The following MMAB variants were observed in gnomAD, a reference collection of about 807,000 sequenced individuals.
MMAB encodes corrinoid adenosyltransferase MMAB.
In MMAB, 17 loss-of-function variants were observed where a neutral mutation model predicts 30.6. The ratio of observed to expected loss-of-function variants is 0.56; its 90% CI spans 0.38 to 0.83. The LOEUF (loss-of-function observed/expected upper bound fraction) is 0.83. Ranked by LOEUF, MMAB falls within the 40% of genes least tolerant of loss-of-function variation. The pLI is 0.00. For synonymous variants in MMAB, 134 were observed against 138.6 expected, an observed-to-expected ratio of 0.97 and a Z score of 0.23; for missense variants, 311 against 331.6, an observed-to-expected ratio of 0.94 and a Z score of 0.48.
At position 109,555,686 on chromosome 12, in the gene MMAB, G is replaced by A; in HGVS notation, c.*1342C>T. 2.2e-6 allele frequency: 1 copy of A among 453,496 alleles called. No homozygotes were observed. The highest frequency in any genetic ancestry group is 4.4e-6 in the Non-Finnish European group (1 of 226,552). The allele number at this position is 453,496 out of a possible 1,614,324, so 28.1% of individuals were successfully genotyped here. ...GGCATTCACACACTCCTGGTCATCTGCACCTCACCCACCCTGCCCAAGGCT... is the reference window on the plus strand; with the variant it reads ...GGCATTCACACACTCCTGGTCATCTACACCTCACCCACCCTGCCCAAGGCT... On this transcript the variant is annotated 3_prime_UTR_variant, in exon 9 of 9. Transcript: ENST00000545712.
Position 109,556,486 on chromosome 12 carries a change from G to T in MMAB, c.*542C>A. 2.2e-6 allele frequency: 1 copy of T among 454,036 alleles called. No individual in the cohort carries two copies. Among genetic ancestry groups the T allele is most frequent in the South Asian group, 1.6e-5 (1 of 64,476 alleles). 28.1% of individuals were successfully genotyped at this position (454,036 alleles called of 1,614,324 possible). A position where few individuals can be genotyped will look rare whatever the true frequency, so the allele number is the denominator to read the frequency against. ...CCCCACACTTTGGCGGTGATGGGTG[G>T]CTCAGAGGTGACTAAACTTCCAAAT... On this transcript the variant is annotated 3_prime_UTR_variant, in exon 9 of 9. Coordinates refer to ENST00000545712, the MANE Select transcript of MMAB (RefSeq NM_052845.4).
intron 7 of MMAB, among the ~76,000 whole-genome samples, chr12:109,560,717 C>T (rs1884159714): frequency 1.3e-5 from 2 of 152,204 alleles, no homozygotes; most frequent in Non-Finnish European, 2.9e-5. Flanking sequence ...TCTCAGAATA[C>T]AGGGCTCACA....
In MMAB at chr12:109,561,720, C is replaced by T. The variant is rs773549101; in HGVS notation, c.421+60G>A. ...GGGGGCCTGGGATCCCAGATGGTGA[C>T]CCTAGGAGAGTCCCCTGACCCTAGG... On this transcript the variant is annotated intron_variant, in intron 5 of 8. Transcript: ENST00000545712. This position sits in a 1 kb window ranked among gnomAD's most constrained non-coding sequence, Gnocchi z 5.3. The T allele has an allele frequency of 5.4e-6, 8 of 1,486,078 alleles. No individual in the cohort carries two copies. Among genetic ancestry groups the T allele is most frequent in the South Asian group, 3.6e-5 (3 of 83,620 alleles). 92.1% of individuals were successfully genotyped at this position (1,486,078 alleles called of 1,614,324 possible).
At chr12:109,572,228 A>ATTAT (rs1329257505) in intron 1 of MMAB, among the ~76,000 whole-genome samples, 8 of 151,680 alleles carry the variant, frequency 5.3e-5, no homozygotes, top group South Asian at 2.1e-4. Context: ...TCCTACCGAA[A>ATTAT]TTATTTATTT....
At chr12:109,559,713 G>A (rs536072633) in intron 7 of MMAB, among the ~76,000 whole-genome samples, 6 of 152,320 alleles carry the variant, frequency 3.9e-5, no homozygotes, top group Admixed American at 2.0e-4. Context: ...GTGTGGTGGC[G>A]GGCCCTTGCC....
At chr12:109,571,794 G>A in intron 1 of MMAB, 84 bp from the exon 2 acceptor site, 10 of 1,153,318 alleles carry the variant, frequency 8.7e-6, no homozygotes, top group Non-Finnish European at 1.3e-5. Context: ...CCAGCTTGCT[G>A]CTTGTAACCT....
At chr12:109,560,913 C>T (rs1884166449) in intron 7 of MMAB, 127 bp downstream of exon 7, 2 of 950,612 alleles carry the variant, frequency 2.1e-6, no homozygotes, top group Admixed American at 2.0e-5. Context: ...CTGTACCTGC[C>T]TCCTGCCCGC....
chr12:109,565,693 T>C (rs1884396935), intron 3 of MMAB, among the ~76,000 whole-genome samples: 1 of 152,200 alleles, frequency 6.6e-6, no homozygotes, highest in African/African-American at 2.4e-5. Flanking sequence ...GACATACTCC[T>C]GAATGTGAAG....
chr12:109,554,286 T>C lies in MMAB; in HGVS notation c.*2742A>G. 2.2e-6 allele frequency: 1 copy of C among 454,010 alleles called. No homozygotes were observed. Among genetic ancestry groups the C allele is most frequent in the South Asian group, 1.6e-5 (1 of 64,474 alleles). 28.1% of individuals were successfully genotyped at this position (454,010 alleles called of 1,614,324 possible). ...CTGCACATAGCAAGCCCTTCCACAGTGCGGGCTGGTGTCACTGTGACTGTG... is the reference window on the plus strand; with the variant it reads ...CTGCACATAGCAAGCCCTTCCACAGCGCGGGCTGGTGTCACTGTGACTGTG... On this transcript the variant is annotated 3_prime_UTR_variant, in exon 9 of 9. Coordinates refer to ENST00000545712, the MANE Select transcript of MMAB (RefSeq NM_052845.4).
chr12:109,570,761 A>G (rs1384070986), intron 2 of MMAB, among the ~76,000 whole-genome samples: 1 of 151,710 alleles, frequency 6.6e-6, no homozygotes. Context: ...GTTGTCCCAG[A>G]TACTCAGAAG....
At chr12:109,564,034 G>A (rs1486033610) in intron 4 of MMAB, among the ~76,000 whole-genome samples, 1 of 152,262 alleles carries the variant, frequency 6.6e-6, no homozygotes, top group African/African-American at 2.4e-5. Context: ...CACGGGCTGA[G>A]GGCTCACTGC....
intron 2 of MMAB, 69 bp from the exon 3 acceptor site, chr12:109,568,932 T>TTA: frequency 9.0e-7 from 1 of 1,111,658 alleles, no homozygotes; most frequent in Admixed American, 1.8e-5. Flanking sequence ...TTTTTTTTTT[T>TTA]AAACTTTCAA....
At chr12:109,573,267 A>C in intron 1 of MMAB, 80 bp downstream of exon 1, 1 of 1,586,620 alleles carries the variant, frequency 6.3e-7, no homozygotes, top group Non-Finnish European at 8.6e-7. Context: ...CGGTGACCTC[A>C]CGGCGGTGTG....
At position 109,569,743 on chromosome 12, in the gene MMAB, C is replaced by G. The variant is rs1019401563; in HGVS notation, c.197-880G>C. Among the ~76,000 whole-genome samples, 1 of 152,162 alleles carries G rather than the reference C, an allele frequency of 6.6e-6. No individual in the cohort carries two copies. The highest frequency in any genetic ancestry group is 2.4e-5 in the African/African-American group (1 of 41,440). On this transcript the variant is annotated intron_variant, in intron 2 of 8. Transcript: ENST00000545712. The surrounding 1 kb of genome is among the most constrained non-coding windows in gnomAD (Gnocchi z 4.1). ...CTGTGGTGTTCTGCTGAACACAAAC[C>G]ATTTCACAGAAAACCATCAGACAGG... is the stretch of plus-strand genomic sequence containing the variant.
rs1884177009 is a variant in MMAB at position 109,561,049 on chromosome 12, GC to G, written c.574del (p.Ala192ProfsTer22). Reference protein sequence around the residue: ...LHFCRAVCRRAERRVVPLVQM... With the variant: ...LHFCRAVCRRXERRVVPLVQM... ...TCTCCAGCCCTCTTACCGTCTCTCG[GC>G]CCGGCGGCACACGGCCCGGCAGAAA... is the stretch of plus-strand genomic sequence containing the variant. On this transcript the variant is annotated frameshift_variant, in exon 7 of 9. Transcript: ENST00000545712. LOFTEE classifies it high-confidence loss of function. This position sits in a 1 kb window ranked among gnomAD's most constrained non-coding sequence, Gnocchi z 5.3. The G allele has an allele frequency of 6.3e-7, 1 of 1,594,198 alleles. No individual in the cohort carries two copies. The highest frequency in any genetic ancestry group is 1.7e-5 in the Admixed American group (1 of 58,998).
In MMAB at chr12:109,556,680, A is replaced by ACACACACC. The variant is rs759527522; in HGVS notation, c.*347_*348insGGTGTGTG. On this transcript the variant is annotated 3_prime_UTR_variant, in exon 9 of 9. Coordinates refer to ENST00000545712, the MANE Select transcript of MMAB (RefSeq NM_052845.4). Reference sequence around the variant, plus strand: ...CACACACACACACACACACACACACACACACACACACACGGCTCCAGCCTT... The same window carrying ACACACACC: ...CACACACACACACACACACACACACACACACACCCACACACACACACGGCTCCAGCCTT... 13 of 468,174 alleles carry ACACACACC rather than the reference A, an allele frequency of 2.8e-5. No homozygotes were observed. Among genetic ancestry groups the ACACACACC allele is most frequent in the Admixed American group, 4.7e-5 (2 of 42,928 alleles). 29.0% of individuals were successfully genotyped at this position (468,174 alleles called of 1,614,324 possible). A position where few individuals can be genotyped will look rare whatever the true frequency, so the allele number is the denominator to read the frequency against.
chr12:109,568,561 C>G, intron 3 of MMAB: 1 of 633,828 alleles, frequency 1.6e-6, no homozygotes, highest in South Asian at 1.8e-5. Context: ...CAGAGGCCAG[C>G]GCAGGCACAG....
At chr12:109,570,904 C>T (rs1011475641) in intron 2 of MMAB, among the ~76,000 whole-genome samples, 10 of 143,838 alleles carry the variant, frequency 7.0e-5, no homozygotes, top group South Asian at 4.3e-4. Context: ...ATCATAGCAA[C>T]GCATTCTTCT....
intron 7 of MMAB, 77 bp downstream of exon 7, chr12:109,560,963 C>T: frequency 1.1e-6 from 1 of 943,578 alleles, no homozygotes. Flanking sequence ...CTCCGTCCTC[C>T]TCTCCCTCTC....
Sources: gnomAD v4.1 joint callset for allele counts (sites outside exome capture counted in the v4.1 genomes callset) on GRCh38, gnomAD v4.1.1 for gene constraint, Gnocchi (gnomAD v3.1) non-coding constraint, MANE v1.5 for transcripts, NCBI Gene and HGNC (gene_info 2026-07-23, HGNC 2026-07-21) for gene names.